The following PDE1A variants were observed in gnomAD, a reference collection of about 807,000 sequenced individuals.
PDE1A encodes the protein phosphodiesterase 1A.
PDE1A carries 35 observed loss-of-function variants against 61.7 expected under a neutral mutation model. The ratio of observed to expected loss-of-function variants is 0.57; its 90% confidence interval spans 0.43 to 0.75. PDE1A has a LOEUF of 0.75. PDE1A is among the 30% of genes least tolerant of loss of function. The pLI, the probability that PDE1A is intolerant of heterozygous loss-of-function variation, is 0.00. For missense variants in PDE1A, 597 were observed against 630.6 expected, an observed-to-expected ratio of 0.95 and a Z score of 0.57; for synonymous variants, 232 against 213.2, an observed-to-expected ratio of 1.09 and a Z score of -0.77.
chr2:182,214,035 T>A lies in PDE1A; in HGVS notation c.777-7970A>T, dbSNP rs1245195367. Among the ~76,000 whole-genome samples, 33 of 142,508 alleles carry A rather than the reference T, an allele frequency of 2.3e-4. No homozygotes were observed. In the South Asian group the frequency reaches 6.6e-3, roughly 29 times the overall value. 93.5% of individuals were successfully genotyped at this position (142,508 alleles called of 152,430 possible). ...GCCAGAGAGAAAGGTCGGGTTACCC[T>A]CAAAGGGAAGCCCATCAGACTAACA... On this transcript the variant is annotated intron_variant, in intron 7 of 13. Transcript: ENST00000351439.
At chr2:182,143,391 G>T (rs915793879), downstream of PDE1A, among the ~76,000 whole-genome samples, 8 of 152,100 alleles carry the variant, frequency 5.3e-5, no homozygotes, top group Non-Finnish European at 1.2e-4. Flanking sequence ...CATAGAAACT[G>T]AAGGTCATCA....
intron 11 of PDE1A, among the ~76,000 whole-genome samples, chr2:182,187,622 A>G (rs1685320363): frequency 6.6e-6 from 1 of 152,164 alleles, no homozygotes. Context: ...AGTATATAAT[A>G]AGGCACATTT....
At chr2:182,364,789 TC>T (rs1699744525) in intron 1 of PDE1A, among the ~76,000 whole-genome samples, 1 of 152,026 alleles carries the variant, frequency 6.6e-6, no homozygotes, top group South Asian at 2.1e-4. Context: ...TAAAATAGAC[TC>T]CCAGGTGTTG....
chr2:182,200,618 T>C (rs920571131), intron 10 of PDE1A, among the ~76,000 whole-genome samples: 8 of 152,218 alleles, frequency 5.3e-5, no homozygotes, highest in African/African-American at 7.2e-5. Flanking sequence ...GTATTCTTTA[T>C]AATAAAATTG....
At chr2:182,287,630 C>T (rs930418491) in intron 1 of PDE1A, among the ~76,000 whole-genome samples, 1 of 152,106 alleles carries the variant, frequency 6.6e-6, no homozygotes, top group Non-Finnish European at 1.5e-5. Context: ...CTCTACTGAG[C>T]TGAAAAAGAC....
the PDE1A span, among the ~76,000 whole-genome samples, chr2:182,624,960 CAT>C: frequency 6.6e-6 from 1 of 152,124 alleles, no homozygotes; most frequent in African/African-American, 2.4e-5. Context: ...CCCAAAATTT[CAT>C]ATGTTGAAGC....
At chr2:182,386,713 G>A (rs1701116820) in intron 1 of PDE1A, among the ~76,000 whole-genome samples, 1 of 152,000 alleles carries the variant, frequency 6.6e-6, no homozygotes, top group Non-Finnish European at 1.5e-5. Flanking sequence ...GGGAAGTGAG[G>A]AGCGTCTCCG....
At chr2:182,650,478 G>T in the PDE1A span, among the ~76,000 whole-genome samples, 1 of 152,096 alleles carries the variant, frequency 6.6e-6, no homozygotes, top group Non-Finnish European at 1.5e-5. Context: ...TATAACCTAG[G>T]AATGAGGCCC....
chr2:182,372,586 T>G (rs1429645092), intron 1 of PDE1A, among the ~76,000 whole-genome samples: 1 of 152,230 alleles, frequency 6.6e-6, no homozygotes, highest in African/African-American at 2.4e-5. Flanking sequence ...AATTCAGAGC[T>G]AGGCAGGATA....
chr2:182,708,818 T>C, the PDE1A span, among the ~76,000 whole-genome samples: 10 of 152,348 alleles, frequency 6.6e-5, no homozygotes, highest in Admixed American at 5.2e-4. Context: ...TCTCTTTGTG[T>C]CAGCTTCTTC....
chr2:182,491,126 A>G (rs960781849), intron 2 of PDE1A, among the ~76,000 whole-genome samples: 2 of 152,220 alleles, frequency 1.3e-5, no homozygotes, highest in Non-Finnish European at 2.9e-5. Context: ...CACCAACCTA[A>G]TAGGAAGTGC....
At position 182,186,162 on chromosome 2, in the gene PDE1A, G is replaced by A. The variant is rs1234749877; in HGVS notation, c.1329-83C>T. The A allele has an allele frequency of 4.9e-6, 7 of 1,427,942 alleles. No individual in the cohort carries two copies. In the African/African-American group the frequency reaches 5.7e-5, roughly 12 times the overall value. The allele number at this position is 1,427,942 out of a possible 1,614,324, so 88.5% of individuals were successfully genotyped here. On this transcript the variant is annotated intron_variant, in intron 12 of 13. Coordinates refer to ENST00000351439, the Ensembl canonical transcript of PDE1A. ...AAAACCTGAAAAACTTTACAAAACC[G>A]ACTAGAAAAGCAGGATAGTAGATGC...
intron 13 of PDE1A, among the ~76,000 whole-genome samples, chr2:182,155,084 CTT>C (rs11375672): frequency 1.9e-4 from 21 of 111,474 alleles, no homozygotes; most frequent in Non-Finnish European, 2.2e-4. Context: ...TTTAATTCTG[CTT>C]TTTTTTTTTT....
chr2:182,327,591 G>A (rs1697128877), intron 1 of PDE1A, among the ~76,000 whole-genome samples: 1 of 152,188 alleles, frequency 6.6e-6, no homozygotes, highest in Non-Finnish European at 1.5e-5. Context: ...TCAAAAAGGA[G>A]GGAGTATTTC....
the PDE1A span, among the ~76,000 whole-genome samples, chr2:182,705,722 A>G: frequency 6.6e-6 from 1 of 152,048 alleles, no homozygotes; most frequent in Non-Finnish European, 1.5e-5. Flanking sequence ...CCAGGTTGAC[A>G]AGGCTGGTCT....
chr2:182,347,378 C>T (rs980590171), intron 1 of PDE1A, among the ~76,000 whole-genome samples: 1 of 152,060 alleles, frequency 6.6e-6, no homozygotes, highest in African/African-American at 2.4e-5. Flanking sequence ...TTAAAATCTT[C>T]GGAGCTTTCA....
exon 3 of PDE1A, chr2:182,240,259 G>T (rs755533201): frequency 1.2e-6 from 2 of 1,607,914 alleles, no homozygotes; most frequent in Non-Finnish European, 1.7e-6. Context: ...CAGTCTGAAT[G>T]TCACTGAGCT....
At chr2:182,185,972 A>C in exon 13 of PDE1A, 1 of 1,614,060 alleles carries the variant, frequency 6.2e-7, no homozygotes, top group Non-Finnish European at 8.5e-7. Context: ...CTTCAGGTCC[A>C]CTGCTGCAAG....
intron 1 of PDE1A, among the ~76,000 whole-genome samples, chr2:182,348,810 A>T (rs1698682180): frequency 6.6e-6 from 1 of 151,652 alleles, no homozygotes; most frequent in Non-Finnish European, 1.5e-5. Flanking sequence ...ATTGAACCTT[A>T]TTCTAAATTT....
Sources: allele counts gnomAD v4.1 joint callset (sites outside exome capture counted in the v4.1 genomes callset), GRCh38; gene constraint gnomAD v4.1.1; transcripts MANE v1.5; gene names NCBI Gene and HGNC (gene_info 2026-07-23, HGNC 2026-07-21).